Variants in HK1 observed in about 807,000 individuals in gnomAD.
The protein encoded by HK1 is hexokinase-1.
HK1 carries 28 observed loss-of-function variants against 91.6 expected under a neutral mutation model. The ratio of observed to expected loss-of-function variants is 0.31; its 90% confidence interval spans 0.23 to 0.42. HK1 has a LOEUF of 0.42. Among genes scored for constraint, HK1 ranks in the 10% least tolerant of loss-of-function variants. The probability of loss-of-function intolerance (pLI) is 1.00; values close to 1 mark genes in which losing one functional copy is unlikely to be tolerated. For missense variants in HK1, 770 were observed against 1,219.8 expected, an observed-to-expected ratio of 0.63 and a Z score of 5.49; for synonymous variants, 430 against 468.1, an observed-to-expected ratio of 0.92 and a Z score of 1.05.
At position 69,343,828 on chromosome 10, in the gene HK1, T is replaced by C. The variant is rs1377839288; in HGVS notation, c.65T>C (p.Ile22Thr). ...TELKDDQVKKIDKYLYAMRLS... is the reference protein window; with the variant it reads ...TELKDDQVKKTDKYLYAMRLS... ...TCCTTCCTTCTCATCCCCCTCCAGA[T>C]TGACAAGTATCTCTATGCCATGCGG... is the stretch of plus-strand genomic sequence containing the variant. The change falls in exon 2 of 18, where the codon ATT becomes ACT. Residue 22 changes from isoleucine (I) to threonine (T), a missense_variant and splice_region_variant. Transcript: ENST00000359426. The C allele has an allele frequency of 1.2e-6, 2 of 1,612,460 alleles. No homozygotes were observed. Among genetic ancestry groups the C allele is most frequent in the East Asian group, 2.2e-5 (1 of 44,872 alleles).
upstream of HK1, among the ~76,000 whole-genome samples, chr10:69,312,410 T>A (rs1297886041): frequency 6.6e-6 from 1 of 152,066 alleles, no homozygotes; most frequent in Admixed American, 6.5e-5. Flanking sequence ...CTAATGTTCG[T>A]GGTTTTAGGA....
At chr10:69,312,394 G>A (rs766866015), upstream of HK1, among the ~76,000 whole-genome samples, 9 of 152,032 alleles carry the variant, frequency 5.9e-5, no homozygotes, top group African/African-American at 1.7e-4. Flanking sequence ...GCACCACCAC[G>A]CCCAGCTAAT....
intron 10 of HK1, among the ~76,000 whole-genome samples, chr10:69,384,062 T>A (rs997069587): frequency 6.6e-6 from 1 of 152,218 alleles, no homozygotes; most frequent in African/African-American, 2.4e-5. Context: ...GTAGGAGATT[T>A]TCATTGTTGC....
intron 1 of HK1, 73 bp from the exon 2 acceptor site, chr10:69,343,754 C>T (rs2132682121): frequency 1.7e-6 from 2 of 1,178,814 alleles, no homozygotes. Context: ...CTGGCTATCT[C>T]AGCGGGTGGG....
chr10:69,333,698 C>T (rs1197933309), intron 1 of HK1, among the ~76,000 whole-genome samples: 5 of 152,072 alleles, frequency 3.3e-5, no homozygotes, highest in Non-Finnish European at 2.9e-5. Flanking sequence ...TTCCACCTGC[C>T]TCATGTGGGG....
chr10:69,379,708 C>T (rs1839289129), intron 8 of HK1, among the ~76,000 whole-genome samples, 154 bp from the exon 9 acceptor site: 1 of 152,164 alleles, frequency 6.6e-6, no homozygotes, highest in Non-Finnish European at 1.5e-5. Flanking sequence ...TTCCTGGGCT[C>T]TTCTCAGGCA....
upstream of HK1, among the ~76,000 whole-genome samples, chr10:69,312,732 C>T (rs1009119685): frequency 5.3e-5 from 8 of 152,160 alleles, no homozygotes; most frequent in African/African-American, 1.9e-4. Flanking sequence ...TGACATTCTT[C>T]AGTCTTCTTT....
intron 13 of HK1, 135 bp downstream of exon 13, chr10:69,386,553 G>A (rs1297385506): frequency 5.1e-5 from 32 of 627,000 alleles, no homozygotes; most frequent in South Asian, 3.5e-4. Flanking sequence ...GGAGGCCGAG[G>A]CGGGTGGATC....
chr10:69,307,392 G>A (rs1475844618), intron 5 of HK1, among the ~76,000 whole-genome samples: 4 of 152,138 alleles, frequency 2.6e-5, no homozygotes. Context: ...ACTCTGCAGG[G>A]CCCAGATCCA....
intron 11 of HK1, 88 bp from the exon 12 acceptor site, chr10:69,384,706 CGT>C (rs1020356850): frequency 2.0e-4 from 299 of 1,526,090 alleles, no homozygotes; most frequent in Middle Eastern, 3.4e-4. Flanking sequence ...TGTTTTCCTA[CGT>C]GTGTGTGTGT....
Position 69,380,228 on chromosome 10 carries a change from T to G in HK1, c.1265+133T>G, listed in dbSNP as rs1156773527. The G allele has an allele frequency of 1.3e-6, 1 of 760,078 alleles. No individual in the cohort carries two copies. The highest frequency in any genetic ancestry group is 2.3e-6 in the Non-Finnish European group (1 of 434,276). 47.1% of individuals were successfully genotyped at this position (760,078 alleles called of 1,614,324 possible). On this transcript the variant is annotated intron_variant, in intron 9 of 17. Coordinates refer to ENST00000359426, the MANE Select transcript of HK1 (RefSeq NM_000188.3). The surrounding 1 kb of genome is among the most constrained non-coding windows in gnomAD (Gnocchi z 4.0). ...AATGGTGGTCGGGGGCTGTGGCTCATGCCTGTAATCTTAGCACTTTGAGAG... is the reference window on the plus strand; with the variant it reads ...AATGGTGGTCGGGGGCTGTGGCTCAGGCCTGTAATCTTAGCACTTTGAGAG...
intron 1 of HK1, among the ~76,000 whole-genome samples, chr10:69,336,905 A>G (rs906028934): frequency 3.3e-5 from 5 of 152,004 alleles, no homozygotes. Context: ...TCGGCCTCCC[A>G]TAGTGCTGGG....
chr10:69,377,129 G>A, intron 8 of HK1, 40 bp downstream of exon 8: 4 of 1,611,702 alleles, frequency 2.5e-6, no homozygotes, highest in Non-Finnish European at 3.4e-6. Flanking sequence ...GGGTGTTGGG[G>A]CAGAGAAGAG....
intron 2 of HK1, among the ~76,000 whole-genome samples, chr10:69,283,811 A>AG (rs1187700750): frequency 6.6e-6 from 1 of 150,738 alleles, no homozygotes; most frequent in East Asian, 1.9e-4. Flanking sequence ...AAAAAAAAAA[A>AG]AAAAAAGAAA....
At position 69,376,922 on chromosome 10, in the gene HK1, C is replaced by T; in HGVS notation, c.876-12C>T. ...GGAAGGCTGACAAGTGCCGGTGTGC[C>T]TTTCTCCACAGGTTTGAGAAGATGG... On this transcript the variant is annotated splice_polypyrimidine_tract_variant and intron_variant, in intron 7 of 17. Coordinates refer to ENST00000359426, the MANE Select transcript of HK1 (RefSeq NM_000188.3). 2 of 1,614,142 alleles carry T rather than the reference C, an allele frequency of 1.2e-6. No individual in the cohort carries two copies. The highest frequency in any genetic ancestry group is 2.2e-5 in the East Asian group (1 of 44,884).
intron 5 of HK1, among the ~76,000 whole-genome samples, chr10:69,307,493 A>C (rs1398575138): frequency 6.6e-6 from 1 of 152,186 alleles, no homozygotes; most frequent in African/African-American, 2.4e-5. Flanking sequence ...AATAAGAGAA[A>C]TAAGGACAAT....
chr10:69,352,319 G>C (rs918465459), intron 2 of HK1, among the ~76,000 whole-genome samples: 1 of 152,094 alleles, frequency 6.6e-6, no homozygotes, highest in Non-Finnish European at 1.5e-5. Context: ...CCTAGTGGTG[G>C]TGTAAAGTAC....
At chr10:69,375,612 T>C (rs939186578) in intron 7 of HK1, among the ~76,000 whole-genome samples, 18 of 152,204 alleles carry the variant, frequency 1.2e-4, no homozygotes, top group Non-Finnish European at 7.3e-5. Flanking sequence ...GGCAGCATCC[T>C]TGGCTTCTGG....
chr10:69,384,972 G>C (rs781730325), intron 12 of HK1, 57 bp downstream of exon 12: 24 of 1,605,846 alleles, frequency 1.5e-5, no homozygotes, highest in Non-Finnish European at 2.0e-5. Context: ...CCTGTGGCCT[G>C]GGTGGGCTGG....
Sources: allele counts gnomAD v4.1 joint callset (sites outside exome capture counted in the v4.1 genomes callset), GRCh38; gene constraint gnomAD v4.1.1; non-coding constraint Gnocchi (gnomAD v3.1); transcripts MANE v1.5; gene names NCBI Gene and HGNC (gene_info 2026-07-23, HGNC 2026-07-21).